MRPS28: variants seen among roughly 807,000 people sequenced by gnomAD.
MRPS28 encodes the protein small ribosomal subunit protein bS1m.
MRPS28 carries 7 observed loss-of-function variants against 10.8 expected under a neutral mutation model. The observed-to-expected ratio is 0.65, with a 90% CI of 0.37 to 1.22. The LOEUF (loss-of-function observed/expected upper bound fraction) is 1.22. MRPS28 is among the 50% of genes most tolerant of loss of function. The pLI, the probability that MRPS28 is intolerant of heterozygous loss-of-function variation, is 0.02. For synonymous variants in MRPS28, 121 were observed against 93.3 expected (o/e 1.30, Z -1.71); for missense variants, 265 against 232.9 (o/e 1.14, Z -0.90).
intron 2 of MRPS28, chr8:79,957,525 C>G (rs1807253013): frequency 7.8e-6 from 1 of 127,722 alleles, no homozygotes; most frequent in Non-Finnish European, 1.6e-5. Context: ...GCTTGAGCAA[C>G]ACAGTGAGAC....
intron 2 of MRPS28, among the ~76,000 whole-genome samples, chr8:79,996,995 G>A (rs868287855): frequency 1.3e-5 from 2 of 152,028 alleles, no homozygotes; most frequent in South Asian, 4.2e-4. Flanking sequence ...TGGGAAATGT[G>A]GATAATACCT....
chr8:80,017,642 T>C (rs1289001617), intron 1 of MRPS28, among the ~76,000 whole-genome samples: 3 of 152,236 alleles, frequency 2.0e-5, no homozygotes, highest in Admixed American at 6.5e-5. Flanking sequence ...CAGGTCCATA[T>C]GGGTTCACTG....
At chr8:79,928,812 A>AG (rs111226658) in intron 2 of MRPS28, among the ~76,000 whole-genome samples, 151,421 of 151,424 alleles carry the variant, frequency 1, 75,709 homozygotes, top group Middle Eastern at 1. Context: ...TTTGGAGCTG[A>AG]GTGGGCGGAT....
At chr8:79,958,299 T>C in intron 2 of MRPS28, 2 of 666,338 alleles carry the variant, frequency 3.0e-6, no homozygotes, top group South Asian at 1.6e-5. Context: ...TTTGGCATAA[T>C]GTTTTCAGGG....
At chr8:79,970,068 C>T (rs529859231) in intron 2 of MRPS28, among the ~76,000 whole-genome samples, 34 of 152,254 alleles carry the variant, frequency 2.2e-4, no homozygotes, top group Admixed American at 1.4e-3. Flanking sequence ...TGAACAACAT[C>T]GATATTCCAA....
At chr8:79,994,278 T>C (rs1808441208) in intron 2 of MRPS28, among the ~76,000 whole-genome samples, 2 of 152,132 alleles carry the variant, frequency 1.3e-5, no homozygotes, top group Non-Finnish European at 1.5e-5. Flanking sequence ...ATATATACAA[T>C]ATTATATTAT....
chr8:79,978,515 A>G (rs1807860693), intron 2 of MRPS28, among the ~76,000 whole-genome samples: 1 of 152,176 alleles, frequency 6.6e-6, no homozygotes, highest in South Asian at 2.1e-4. Context: ...TATATTTCAT[A>G]CCTTCTCTAG....
intron 1 of MRPS28, chr8:80,029,703 C>A: frequency 7.2e-7 from 1 of 1,391,660 alleles, no homozygotes; most frequent in South Asian, 1.2e-5. Flanking sequence ...TCCCATTCTC[C>A]TTAGCGTCCC....
intron 2 of MRPS28, among the ~76,000 whole-genome samples, chr8:79,988,093 T>C (rs553211833): frequency 5.3e-5 from 8 of 151,830 alleles, no homozygotes; most frequent in Admixed American, 4.6e-4. Flanking sequence ...TATGCAGCCA[T>C]AAAAAATGAT....
At chr8:80,008,832 G>C (rs1314960807) in intron 1 of MRPS28, among the ~76,000 whole-genome samples, 2 of 152,216 alleles carry the variant, frequency 1.3e-5, no homozygotes, top group Non-Finnish European at 2.9e-5. Flanking sequence ...TGGTGGGACT[G>C]TAAACTAGTT....
At position 79,919,057 on chromosome 8, in the gene MRPS28, G is replaced by C; in HGVS notation, c.487C>G (p.Leu163Val). 1 of 1,610,440 alleles carries C rather than the reference G, an allele frequency of 6.2e-7. No homozygotes were observed. Among genetic ancestry groups the C allele is most frequent in the Non-Finnish European group, 8.5e-7 (1 of 1,178,356 alleles). Reference protein sequence around the residue: ...FLGATTDTTVLEANAVLLGIQ... With the variant: ...FLGATTDTTVVEANAVLLGIQ... Reference sequence around the variant, plus strand: ...CCCAAGAGAACTGCATTAGCCTCTAGTACAGTTGTATCTGTTGTTGCTCCC... The same window carrying C: ...CCCAAGAGAACTGCATTAGCCTCTACTACAGTTGTATCTGTTGTTGCTCCC... The change falls in exon 3 of 3, where the codon CTA (leucine) becomes GTA (valine). Residue 163 changes from leucine (L) to valine (V), a missense_variant. Transcript: ENST00000276585.
intron 2 of MRPS28, among the ~76,000 whole-genome samples, chr8:79,979,763 C>T (rs1380429296): frequency 6.6e-6 from 1 of 151,844 alleles, no homozygotes; most frequent in African/African-American, 2.4e-5. Flanking sequence ...CTCTTCCTCC[C>T]TTAAACACAG....
At chr8:80,009,521 A>G (rs1025135902) in intron 1 of MRPS28, among the ~76,000 whole-genome samples, 5 of 152,058 alleles carry the variant, frequency 3.3e-5, no homozygotes, top group African/African-American at 1.2e-4. Flanking sequence ...GAGGCCGAGG[A>G]AGGAGAATCA....
chr8:79,983,711 G>A (rs1440462302), intron 2 of MRPS28, among the ~76,000 whole-genome samples: 1 of 152,048 alleles, frequency 6.6e-6, no homozygotes, highest in African/African-American at 2.4e-5. Context: ...AAGTGAGAAG[G>A]GAAGTTTAGA....
chr8:79,941,350 C>T (rs1475638066), intron 2 of MRPS28, among the ~76,000 whole-genome samples: 3 of 152,132 alleles, frequency 2.0e-5, no homozygotes, highest in Non-Finnish European at 4.4e-5. Flanking sequence ...TCTTCCAGAT[C>T]ACCAACTGAA....
chr8:79,939,917 C>T (rs1011658311), intron 2 of MRPS28, among the ~76,000 whole-genome samples: 8 of 150,378 alleles, frequency 5.3e-5, no homozygotes, highest in East Asian at 2.0e-4. Flanking sequence ...TTGCAGTGAG[C>T]GGAGATCACG....
At chr8:79,923,616 T>A (rs1810152746) in intron 2 of MRPS28, among the ~76,000 whole-genome samples, 1 of 152,164 alleles carries the variant, frequency 6.6e-6, no homozygotes, top group Non-Finnish European at 1.5e-5. Flanking sequence ...AACCAAAGAA[T>A]ACTGCTGTCT....
rs1159703355 is a variant in MRPS28 at position 80,030,058 on chromosome 8, T to C, written c.191A>G (p.Gln64Arg). The C allele has an allele frequency of 6.2e-7, 1 of 1,613,598 alleles. No individual in the cohort carries two copies. The highest frequency in any genetic ancestry group is 1.7e-4 in the Middle Eastern group (1 of 6,052). ...SALERHSELL[Q>R]KVEPLQKGSP... ...CACCTTCTGTAGGGGCTCCACCTTC[T>C]GTAGAAGCTCCGAGTGCCGCTCCAA... Residue 64 changes from glutamine to arginine, a missense_variant, in exon 1 of 3, where the codon CAG becomes CGG. Coordinates refer to ENST00000276585, the MANE Select transcript of MRPS28 (RefSeq NM_014018.3).
intron 2 of MRPS28, chr8:79,957,483 G>A (rs1290121353): frequency 6.6e-6 from 1 of 151,608 alleles, no homozygotes; most frequent in Non-Finnish European, 1.5e-5. Flanking sequence ...CAAGAAGGGG[G>A]TGGTTCACTG....
Sources: allele counts gnomAD v4.1 joint callset (sites outside exome capture counted in the v4.1 genomes callset), GRCh38; gene constraint gnomAD v4.1.1; transcripts MANE v1.5; gene names NCBI Gene and HGNC (gene_info 2026-07-23, HGNC 2026-07-21).